The following SLC24A2 variants were observed in gnomAD, a reference collection of about 807,000 sequenced individuals.
SLC24A2 encodes the protein sodium/potassium/calcium exchanger 2.
A neutral mutation model predicts 62.0 loss-of-function variants in SLC24A2; 36 were observed. The observed-to-expected ratio is 0.58, with a 90% CI of 0.44 to 0.77. The LOEUF is 0.77. Among genes scored for constraint, SLC24A2 ranks in the 30% least tolerant of loss-of-function variants. The pLI is 0.00. For synonymous variants in SLC24A2, 358 were observed against 294.0 expected, an observed-to-expected ratio of 1.22 and a Z score of -2.23; for missense variants, 846 against 817.9, an observed-to-expected ratio of 1.03 and a Z score of -0.42.
chr9:19,695,797 T>C (rs1820174661), intron 2 of SLC24A2, among the ~76,000 whole-genome samples: 1 of 151,650 alleles, frequency 6.6e-6, no homozygotes, highest in Non-Finnish European at 1.5e-5. Flanking sequence ...TTAAAATGAA[T>C]GACTTAGAGC....
chr9:20,105,682 G>A, the SLC24A2 span, among the ~76,000 whole-genome samples: 4 of 151,756 alleles, frequency 2.6e-5, no homozygotes, highest in Non-Finnish European at 5.9e-5. Context: ...CAGAATCTCC[G>A]GGACGCATTC....
rs1481364331 is a variant in SLC24A2, at chr9:19,632,396, T to C, written c.931-10097A>G. On this transcript the variant is annotated intron_variant, in intron 2 of 10. Coordinates refer to ENST00000341998, the MANE Select transcript of SLC24A2 (RefSeq NM_020344.4). This position sits in a 1 kb window ranked among gnomAD's most constrained non-coding sequence, Gnocchi z 4.5. ...ATGAGCATCTTATATGTGCTACATT[T>C]TTCTAGGTGCAGGGATAAAACAGTG... Among the ~76,000 whole-genome samples the C allele has an allele frequency of 2.0e-5, 3 of 152,182 alleles. No individual in the cohort carries two copies. Among genetic ancestry groups the C allele is most frequent in the Non-Finnish European group, 4.4e-5 (3 of 68,042 alleles).
At chr9:19,990,922 G>GATATATATATGTATATATATAT in the SLC24A2 span, among the ~76,000 whole-genome samples, 6 of 120,808 alleles carry the variant, frequency 5.0e-5, 1 homozygote, top group African/African-American at 2.2e-4. Flanking sequence ...GGACTAATAG[G>GATATATATATGTATATATATAT]ATATATATAT....
intron 2 of SLC24A2, among the ~76,000 whole-genome samples, chr9:19,781,977 C>T (rs572088100): frequency 2.6e-4 from 40 of 152,052 alleles, no homozygotes; most frequent in Non-Finnish European, 5.1e-4. Context: ...TTGCTAAAAC[C>T]CTTTACAGCT....
chr9:19,677,433 G>A (rs1819592465), intron 2 of SLC24A2, among the ~76,000 whole-genome samples: 1 of 152,166 alleles, frequency 6.6e-6, no homozygotes, highest in African/African-American at 2.4e-5. Context: ...TCTATCAGAC[G>A]GTGGAGGGCA....
the SLC24A2 span, among the ~76,000 whole-genome samples, chr9:20,232,651 G>A: frequency 0.032 from 4,864 of 151,996 alleles, 247 homozygotes; most frequent in African/African-American, 0.11. Context: ...TCTTGCTAGC[G>A]GTCTATCAAT....
the SLC24A2 span, among the ~76,000 whole-genome samples, chr9:20,126,470 T>A: frequency 6.6e-6 from 1 of 152,170 alleles, no homozygotes; most frequent in African/African-American, 2.4e-5. Flanking sequence ...CAAGGTTAAT[T>A]TTCTGTGGAA....
At chr9:19,953,839 G>A in the SLC24A2 span, among the ~76,000 whole-genome samples, 2 of 151,820 alleles carry the variant, frequency 1.3e-5, no homozygotes, top group African/African-American at 4.8e-5. Flanking sequence ...CATGGCAACT[G>A]CTAAAAACCC....
the SLC24A2 span, among the ~76,000 whole-genome samples, chr9:20,003,238 C>T: frequency 6.6e-6 from 1 of 152,304 alleles, no homozygotes; most frequent in South Asian, 2.1e-4. Context: ...AAACTATGCC[C>T]ATGACCACAG....
At chr9:20,277,273 G>C in the SLC24A2 span, among the ~76,000 whole-genome samples, 1 of 152,118 alleles carries the variant, frequency 6.6e-6, no homozygotes, top group Admixed American at 6.5e-5. Flanking sequence ...CACAGCAAAA[G>C]AAACTACCAT....
intron 8 of SLC24A2, among the ~76,000 whole-genome samples, chr9:19,546,483 C>T (rs1834578392): frequency 6.6e-6 from 1 of 152,186 alleles, no homozygotes; most frequent in Non-Finnish European, 1.5e-5. Flanking sequence ...TTTGTTTACA[C>T]TGTCAGGGTA....
At chr9:19,754,190 G>C (rs1183213725) in intron 2 of SLC24A2, among the ~76,000 whole-genome samples, 1 of 152,152 alleles carries the variant, frequency 6.6e-6, no homozygotes, top group Non-Finnish European at 1.5e-5. Context: ...TCAGTGGCAG[G>C]GTAGAAGAAA....
At chr9:19,640,353 T>C (rs1818460140) in intron 2 of SLC24A2, among the ~76,000 whole-genome samples, 3 of 152,242 alleles carry the variant, frequency 2.0e-5, no homozygotes, top group Non-Finnish European at 4.4e-5. Flanking sequence ...TGGATGCCTT[T>C]CTCTCTGTAC....
intron 2 of SLC24A2, among the ~76,000 whole-genome samples, chr9:19,635,784 A>C (rs1193644819): frequency 2.6e-5 from 4 of 152,234 alleles, no homozygotes; most frequent in African/African-American, 7.2e-5. Flanking sequence ...ATAATTCTTT[A>C]TGAGTAATTT....
chr9:19,578,966 AG>A (rs1836121329), intron 5 of SLC24A2, among the ~76,000 whole-genome samples: 1 of 152,232 alleles, frequency 6.6e-6, no homozygotes, highest in South Asian at 2.1e-4. Context: ...CAAAAGAAGT[AG>A]GAAAGGAAAT....
chr9:19,833,963 C>A, the SLC24A2 span, among the ~76,000 whole-genome samples: 3 of 152,184 alleles, frequency 2.0e-5, no homozygotes, highest in Admixed American at 2.0e-4. Context: ...CCCAGGCAAA[C>A]AGGGTCTGGA....
the SLC24A2 span, among the ~76,000 whole-genome samples, chr9:20,264,597 A>C: frequency 6.6e-6 from 1 of 152,238 alleles, no homozygotes; most frequent in African/African-American, 2.4e-5. Flanking sequence ...ATTTGGACAA[A>C]AGACAATCTC....
chr9:20,220,104 C>T, the SLC24A2 span, among the ~76,000 whole-genome samples: 1 of 151,976 alleles, frequency 6.6e-6, no homozygotes, highest in East Asian at 1.9e-4. Flanking sequence ...CATGCTGATT[C>T]CTATAGTTAA....
chr9:20,096,646 T>G, the SLC24A2 span, among the ~76,000 whole-genome samples: 1 of 152,218 alleles, frequency 6.6e-6, no homozygotes, highest in African/African-American at 2.4e-5. Flanking sequence ...TTCCTGGTTG[T>G]TTCTTCTGGA....
Sources: gnomAD v4.1 joint callset for allele counts (sites outside exome capture counted in the v4.1 genomes callset) on GRCh38, gnomAD v4.1.1 for gene constraint, Gnocchi (gnomAD v3.1) non-coding constraint, MANE v1.5 for transcripts, NCBI Gene and HGNC (gene_info 2026-07-23, HGNC 2026-07-21) for gene names.